Variants in LYRM4 observed in about 807,000 individuals in gnomAD.
LYRM4 encodes the protein LYR motif containing 4, also known as LYR motif-containing protein 4.
A neutral mutation model predicts 11.7 loss-of-function variants in LYRM4; 9 were observed. The ratio of observed to expected loss-of-function variants is 0.77; its 90% CI spans 0.46 to 1.34. The LOEUF is 1.34. LYRM4 is among the 40% of genes most tolerant of loss of function. LYRM4 has a pLI of 0.00. For synonymous variants in LYRM4, 42 were observed against 40.4 expected (o/e 1.04, Z -0.15); for missense variants, 133 against 112.5 (o/e 1.18, Z -0.82).
chr6:5,108,430 A>C lies in LYRM4; in HGVS notation c.*993T>G. 1 of 976,792 alleles carries C rather than the reference A, an allele frequency of 1.0e-6. No individual in the cohort carries two copies. Among genetic ancestry groups the C allele is most frequent in the Non-Finnish European group, 1.2e-6 (1 of 821,942 alleles). The allele number at this position is 976,792 out of a possible 1,614,324, so 60.5% of individuals were successfully genotyped here. The stretch of plus-strand genomic sequence containing the variant: ...TCTGTTTCCAAGAATAAAAGCATAC[A>C]AACAATATCTTTATTACCTGTAATA... On this transcript the variant is annotated 3_prime_UTR_variant, in exon 3 of 3. Transcript: ENST00000330636.
intron 1 of LYRM4, among the ~76,000 whole-genome samples, chr6:5,230,744 C>A (rs1763188368): frequency 6.6e-6 from 1 of 152,050 alleles, no homozygotes; most frequent in Admixed American, 6.6e-5. Flanking sequence ...AAATAGGAGT[C>A]AAATAAAATG....
At chr6:5,249,231 A>G (rs1281587239) in intron 1 of LYRM4, among the ~76,000 whole-genome samples, 1 of 152,204 alleles carries the variant, frequency 6.6e-6, no homozygotes, top group African/African-American at 2.4e-5. Context: ...ACAGCGAGTA[A>G]ATGATTTATA....
chr6:5,229,903 T>C (rs1283027235), intron 1 of LYRM4, among the ~76,000 whole-genome samples: 2 of 152,354 alleles, frequency 1.3e-5, no homozygotes, highest in African/African-American at 4.8e-5. Context: ...GCGTCCTTTC[T>C]GGTGCTTAAT....
At chr6:5,245,158 A>G (rs1209819923) in intron 1 of LYRM4, among the ~76,000 whole-genome samples, 7 of 99,516 alleles carry the variant, frequency 7.0e-5, no homozygotes, top group African/African-American at 2.6e-4. Context: ...ATATATATAT[A>G]TATATAAAAT....
intron 2 of LYRM4, among the ~76,000 whole-genome samples, chr6:5,165,662 C>G (rs566276667): frequency 6.6e-6 from 1 of 152,124 alleles, no homozygotes; most frequent in African/African-American, 2.4e-5. Context: ...CCTGCCTCAG[C>G]CTCCCGAGTA....
chr6:5,077,988 A>G, the LYRM4 span, among the ~76,000 whole-genome samples: 1 of 152,182 alleles, frequency 6.6e-6, no homozygotes, highest in African/African-American at 2.4e-5. Flanking sequence ...AAGTTTACAT[A>G]ATTGTTACTT....
the LYRM4 span, among the ~76,000 whole-genome samples, chr6:5,049,241 G>A: frequency 1.3e-5 from 2 of 152,158 alleles, no homozygotes; most frequent in East Asian, 3.8e-4. Context: ...CTTCTCCAGA[G>A]ATAACATAGA....
chr6:5,158,041 G>A (rs1033752764), intron 2 of LYRM4, among the ~76,000 whole-genome samples: 7 of 152,164 alleles, frequency 4.6e-5, no homozygotes, highest in East Asian at 1.9e-4. Context: ...GTTTGCTATG[G>A]GGACAGGATC....
chr6:5,216,765 A>G (rs1762296929), intron 1 of LYRM4, 27 bp from the exon 2 acceptor site: 1 of 1,603,112 alleles, frequency 6.2e-7, no homozygotes, highest in Non-Finnish European at 8.5e-7. Flanking sequence ...GAAAAAAAAG[A>G]AAAGGTGTCA....
In LYRM4 at chr6:5,109,354, C is replaced by A. The variant is rs779719782; in HGVS notation, c.*69G>T. 2 of 1,605,388 alleles carry A rather than the reference C, an allele frequency of 1.2e-6. No homozygotes were observed. Among genetic ancestry groups the A allele is most frequent in the Non-Finnish European group, 8.5e-7 (1 of 1,173,550 alleles). On this transcript the variant is annotated 3_prime_UTR_variant, in exon 3 of 3. Coordinates refer to ENST00000330636, the MANE Select transcript of LYRM4 (RefSeq NM_020408.6). Reference sequence around the variant, plus strand: ...CTATTGTAAGCTGGTTTTGGGAGCCCCCATCTCAAACAGAGAGTGGATGCT... The same window carrying A: ...CTATTGTAAGCTGGTTTTGGGAGCCACCATCTCAAACAGAGAGTGGATGCT...
At chr6:5,258,022 G>A (rs562838467) in intron 1 of LYRM4, among the ~76,000 whole-genome samples, 1 of 152,278 alleles carries the variant, frequency 6.6e-6, no homozygotes, top group Admixed American at 6.5e-5. Context: ...GCTCAATCTT[G>A]AAGGAAGAGG....
the LYRM4 span, among the ~76,000 whole-genome samples, chr6:5,037,570 T>C: frequency 1.2e-5 from 1 of 81,116 alleles, no homozygotes; most frequent in Non-Finnish European, 2.9e-5. Flanking sequence ...GGCTCCTCAC[T>C]TCCCAGTAGG....
the LYRM4 span, among the ~76,000 whole-genome samples, chr6:5,095,586 C>G: frequency 7.9e-5 from 12 of 152,320 alleles, no homozygotes; most frequent in East Asian, 2.3e-3. Context: ...AGTTAGGTTA[C>G]AGTTCACTAT....
At chr6:5,059,504 C>T in the LYRM4 span, among the ~76,000 whole-genome samples, 43 of 152,240 alleles carry the variant, frequency 2.8e-4, 1 homozygote, top group East Asian at 6.8e-3. Flanking sequence ...AACAGCTACT[C>T]GACTCCCTTC....
downstream of LYRM4, chr6:5,103,849 G>C (rs1453676470): frequency 6.6e-6 from 1 of 152,068 alleles, no homozygotes; most frequent in Admixed American, 6.6e-5. Flanking sequence ...TGTTGGCCAG[G>C]CTGGTCTTGA....
At chr6:5,083,173 G>C in the LYRM4 span, among the ~76,000 whole-genome samples, 4 of 152,200 alleles carry the variant, frequency 2.6e-5, no homozygotes, top group African/African-American at 9.7e-5. Context: ...CTCCTTCTCT[G>C]TCCTGGAGTG....
intron 1 of LYRM4, among the ~76,000 whole-genome samples, chr6:5,241,051 A>G (rs534047117): frequency 2.0e-5 from 3 of 152,358 alleles, no homozygotes; most frequent in South Asian, 2.1e-4. Context: ...GGTTACTTCT[A>G]TTCTATGAAC....
At chr6:5,064,863 G>A in the LYRM4 span, among the ~76,000 whole-genome samples, 4 of 152,020 alleles carry the variant, frequency 2.6e-5, no homozygotes, top group South Asian at 8.3e-4. Flanking sequence ...ACATTAAAAT[G>A]TGCTCTTCTA....
intron 2 of LYRM4, among the ~76,000 whole-genome samples, chr6:5,192,847 A>T (rs750862786): frequency 3.0e-4 from 46 of 152,156 alleles, no homozygotes; most frequent in Non-Finnish European, 5.9e-4. Context: ...CCAACATGGC[A>T]AAACCCCATC....
Sources: gnomAD v4.1 joint callset for allele counts (sites outside exome capture counted in the v4.1 genomes callset) on GRCh38, gnomAD v4.1.1 for gene constraint, MANE v1.5 for transcripts, NCBI Gene and HGNC (gene_info 2026-07-23, HGNC 2026-07-21) for gene names.